PUM1: variants seen among roughly 807,000 people sequenced by gnomAD.
PUM1 encodes the protein pumilio RNA binding family member 1, also known as pumilio homolog 1.
A neutral mutation model predicts 131.8 loss-of-function variants in PUM1; 13 were observed. The observed-to-expected ratio is 0.10, with a 90% CI of 0.06 to 0.16. The LOEUF (loss-of-function observed/expected upper bound fraction) is 0.16. Among genes scored for constraint, PUM1 ranks in the 10% least tolerant of loss-of-function variants. The pLI, the probability that PUM1 is intolerant of heterozygous loss-of-function variation, is 1.00. For synonymous variants in PUM1, 509 were observed against 556.5 expected (o/e 0.91, Z 1.20); for missense variants, 961 against 1,512.4 (o/e 0.64, Z 6.05).
intron 2 of PUM1, among the ~76,000 whole-genome samples, chr1:31,042,331 TAAATAAAATA>T (rs778092674): frequency 6.6e-6 from 1 of 151,084 alleles, no homozygotes; most frequent in Non-Finnish European, 1.5e-5. Context: ...AATAAATAAA[TAAATAAAATA>T]AAATAAAATA....
Position 30,980,246 on chromosome 1 carries a change from C to T in PUM1, c.1253-83G>A, listed in dbSNP as rs1641305805. The T allele has an allele frequency of 4.7e-6, 5 of 1,057,494 alleles. No individual in the cohort carries two copies. The East Asian group carries it at 1.3e-4, about 26-fold the overall frequency. The allele number at this position is 1,057,494 out of a possible 1,614,324, so 65.5% of individuals were successfully genotyped here. A position where few individuals can be genotyped will look rare whatever the true frequency, so the allele number is the denominator to read the frequency against. On this transcript the variant is annotated intron_variant, in intron 8 of 21. Coordinates refer to ENST00000426105, the MANE Select transcript of PUM1 (RefSeq NM_001020658.2). ...AATACCTACACAGTTTCGCTATTCACTCCAGACAGTAGATAAGGAAAAAAT... is the reference window on the plus strand; with the variant it reads ...AATACCTACACAGTTTCGCTATTCATTCCAGACAGTAGATAAGGAAAAAAT...
chr1:30,932,487 C>T lies in PUM1; in HGVS notation c.*724G>A, dbSNP rs1209938046. The T allele has an allele frequency of 1.3e-5, 2 of 151,782 alleles. No individual in the cohort carries two copies. Among genetic ancestry groups the T allele is most frequent in the East Asian group, 1.9e-4 (1 of 5,198 alleles). The allele number at this position is 151,782 out of a possible 1,614,324, so 9.4% of individuals were successfully genotyped here. A position where few individuals can be genotyped will look rare whatever the true frequency, so the allele number is the denominator to read the frequency against. Reference sequence around the variant, plus strand: ...CCAGTAGGCAGTAAACAATCACACCCGCCCAGCCTCAAAAGACGTTCTGGG... The same window carrying T: ...CCAGTAGGCAGTAAACAATCACACCTGCCCAGCCTCAAAAGACGTTCTGGG... On this transcript the variant is annotated 3_prime_UTR_variant, in exon 22 of 22. Coordinates refer to ENST00000426105, the MANE Select transcript of PUM1 (RefSeq NM_001020658.2).
chr1:31,028,699 A>C (rs1643307563), intron 3 of PUM1, 97 bp downstream of exon 3: 2 of 1,027,254 alleles, frequency 1.9e-6, no homozygotes, highest in African/African-American at 1.6e-5. Flanking sequence ...AAGCAAGCAC[A>C]TATTTCTGGA....
intron 3 of PUM1, among the ~76,000 whole-genome samples, chr1:31,009,782 A>AAAAAAAAAAAAAAAAAAAAAC (rs375044466): frequency 2.4e-5 from 3 of 125,368 alleles, no homozygotes; most frequent in African/African-American, 3.3e-5. Flanking sequence ...AAAAAAAAAA[A>AAAAAAAAAAAAAAAAAAAAAC]AAAAACAAAA....
At chr1:30,980,254 A>G (rs751013328) in intron 8 of PUM1, 91 bp from the exon 9 acceptor site, 1 of 993,264 alleles carries the variant, frequency 1.0e-6, no homozygotes, top group Non-Finnish European at 1.6e-6. Context: ...CACTCCAGAC[A>G]GTAGATAAGG....
rs1640713983 is a variant in PUM1, at chr1:30,968,406, T to A, written c.1593A>T (p.Ala531=). The A allele has an allele frequency of 6.3e-7, 1 of 1,599,094 alleles. No homozygotes were observed. The highest frequency in any genetic ancestry group is 8.5e-7 in the Non-Finnish European group (1 of 1,173,076). ...GQQTDPLVAA[A]AVNSALAFGQ... is the part of the protein sequence containing the mutation. Reference sequence around the variant, plus strand: ...CAAATGCAAGGGCAGAATTCACTGCTGCAGCTGCCACAAGGGGATCCGTTT... The same window carrying A: ...CAAATGCAAGGGCAGAATTCACTGCAGCAGCTGCCACAAGGGGATCCGTTT... The change falls in exon 11 of 22, where the codon GCA becomes GCT. Residue 531 remains alanine (A), a synonymous_variant. Transcript: ENST00000426105.
rs1376292894 is a variant in PUM1 at position 30,931,855 on chromosome 1, C to T, written c.*1356G>A. On this transcript the variant is annotated 3_prime_UTR_variant, in exon 22 of 22. Transcript: ENST00000426105. ...AGGGGCTCTGATTGTAAGGAAAGCT[C>T]GGGCAAGGCTAGACTTTTGCACGTC... 4 of 152,482 alleles carry T rather than the reference C, an allele frequency of 2.6e-5. No homozygotes were observed. The highest frequency in any genetic ancestry group is 2.1e-4 in the South Asian group (1 of 4,822). The allele number at this position is 152,482 out of a possible 1,614,324, so 9.4% of individuals were successfully genotyped here.
In PUM1 at chr1:30,933,058, G is replaced by T; in HGVS notation, c.*153C>A. ...TAAATTTACAAAGGCTTTTCCACTC[G>T]TGGATTTGATTCCTTTTTTGGAGGA... On this transcript the variant is annotated 3_prime_UTR_variant, in exon 22 of 22. Transcript: ENST00000426105. 1 of 922,032 alleles carries T rather than the reference G, an allele frequency of 1.1e-6. No homozygotes were observed. Among genetic ancestry groups the T allele is most frequent in the African/African-American group, 1.7e-5 (1 of 59,392 alleles). The allele number at this position is 922,032 out of a possible 1,614,324, so 57.1% of individuals were successfully genotyped here. A position where few individuals can be genotyped will look rare whatever the true frequency, so the allele number is the denominator to read the frequency against.
intron 2 of PUM1, among the ~76,000 whole-genome samples, chr1:31,051,415 T>C (rs1251707534): frequency 1.1e-4 from 16 of 151,984 alleles, no homozygotes; most frequent in Non-Finnish European, 5.9e-5. Context: ...GCAATTCTCC[T>C]GCCTCAGCCA....
intron 10 of PUM1, among the ~76,000 whole-genome samples, chr1:30,971,918 G>T (rs980073341): frequency 3.3e-5 from 5 of 151,974 alleles, no homozygotes; most frequent in Non-Finnish European, 7.4e-5. Flanking sequence ...ACAAAAAGAT[G>T]ATCACACAAA....
Position 31,041,149 on chromosome 1 carries a change from T to C in PUM1, c.364-12285A>G, listed in dbSNP as rs140170834. 4.7e-3 allele frequency among the ~76,000 whole-genome samples: 717 copies of C among 152,142 alleles called. 5 individuals carry two copies. The highest frequency in any genetic ancestry group is 0.016 in the African/African-American group (660 of 41,500). On this transcript the variant is annotated intron_variant, in intron 2 of 21. Coordinates refer to ENST00000426105, the MANE Select transcript of PUM1 (RefSeq NM_001020658.2). ...GGATATATCAACCACAGAAACAGAATACAGTACAGGAATTGAAGGAAATAA... is the reference window on the plus strand; with the variant it reads ...GGATATATCAACCACAGAAACAGAACACAGTACAGGAATTGAAGGAAATAA...
rs3831279 is a variant in PUM1, at chr1:31,007,318, GACACTGATCAA to G, written c.433-227_433-217del. On this transcript the variant is annotated intron_variant, in intron 3 of 21. Transcript: ENST00000426105. ...AGGCAAGGTGGGGGGCAGGGGTGGG[GACACTGATCAA>G]ACCATCCAATAGAGGCTGAACTTAA... 0.28 allele frequency among the ~76,000 whole-genome samples: 43,143 copies of G among 151,816 alleles called. 7,949 individuals are homozygous for G. The highest frequency in any genetic ancestry group is 0.53 in the East Asian group (2,712 of 5,136).
At chr1:31,013,957 C>G (rs1642715816) in intron 3 of PUM1, among the ~76,000 whole-genome samples, 2 of 152,132 alleles carry the variant, frequency 1.3e-5, no homozygotes, top group Non-Finnish European at 2.9e-5. Context: ...CAAGTTCATT[C>G]ATTCCTGGTT....
At chr1:30,991,213 C>G (rs1354519580) in intron 7 of PUM1, among the ~76,000 whole-genome samples, 3 of 152,046 alleles carry the variant, frequency 2.0e-5, no homozygotes. Flanking sequence ...AAAAAAAGCA[C>G]AGAGAGTCAA....
At chr1:31,058,831 G>A (rs1024195252) in intron 2 of PUM1, among the ~76,000 whole-genome samples, 5 of 149,466 alleles carry the variant, frequency 3.3e-5, no homozygotes, top group Non-Finnish European at 4.4e-5. Context: ...TCAGCCAGGC[G>A]TGGTGGTGCA....
chr1:30,958,984 T>C (rs1292957026), intron 14 of PUM1, among the ~76,000 whole-genome samples: 2 of 152,198 alleles, frequency 1.3e-5, no homozygotes, highest in Admixed American at 6.5e-5. Context: ...ATTTCACTTA[T>C]TAAAATAGTA....
intron 9 of PUM1, among the ~76,000 whole-genome samples, chr1:30,979,292 A>G (rs1641263908): frequency 6.6e-6 from 1 of 152,212 alleles, no homozygotes; most frequent in Non-Finnish European, 1.5e-5. Context: ...GCCTAAACCA[A>G]TGCAGTATCT....
intron 3 of PUM1, among the ~76,000 whole-genome samples, chr1:31,018,565 G>A (rs902742499): frequency 6.6e-6 from 1 of 152,112 alleles, no homozygotes; most frequent in African/African-American, 2.4e-5. Context: ...GGCTGAGACA[G>A]GAGAATTGCT....
At chr1:31,038,976 A>ATTTTTTTTTT (rs1276496237) in intron 2 of PUM1, among the ~76,000 whole-genome samples, 4 of 30,882 alleles carry the variant, frequency 1.3e-4, no homozygotes, top group African/African-American at 1.1e-3. Context: ...ATATATATAT[A>ATTTTTTTTTT]TATATATATT....
Sources: gnomAD v4.1 joint callset for allele counts (sites outside exome capture counted in the v4.1 genomes callset) on GRCh38, gnomAD v4.1.1 for gene constraint, MANE v1.5 for transcripts, NCBI Gene and HGNC (gene_info 2026-07-23, HGNC 2026-07-21) for gene names.